Variants in CCDC60 observed in about 807,000 individuals in gnomAD.
The protein encoded by CCDC60 is coiled-coil domain-containing protein 60.
Under a neutral mutation model 63.5 loss-of-function variants are expected in CCDC60, and 54 were observed. The observed-to-expected ratio is 0.85, with a 90% CI of 0.68 to 1.07. CCDC60 has a LOEUF of 1.07. Among genes scored for constraint, CCDC60 ranks in the 50% least tolerant of loss-of-function variants. The probability of loss-of-function intolerance (pLI) is 0.00; values close to 1 mark genes in which losing one functional copy is unlikely to be tolerated. For synonymous variants in CCDC60, 206 were observed against 238.8 expected (o/e 0.86, Z 1.27); for missense variants, 651 against 684.3 (o/e 0.95, Z 0.54).
At chr12:119,450,501 C>G (rs928148204) in intron 2 of CCDC60, among the ~76,000 whole-genome samples, 1 of 152,118 alleles carries the variant, frequency 6.6e-6, no homozygotes, top group Non-Finnish European at 1.5e-5. Context: ...AGCAAAGGTA[C>G]TGAGATGAAG....
intron 1 of CCDC60, among the ~76,000 whole-genome samples, chr12:119,393,832 G>C (rs1034087554): frequency 6.6e-6 from 1 of 152,208 alleles, no homozygotes; most frequent in East Asian, 1.9e-4. Context: ...TTTAATAAAT[G>C]ACACAAGGTC....
intron 2 of CCDC60, among the ~76,000 whole-genome samples, chr12:119,447,398 T>C (rs1427617437): frequency 6.6e-6 from 1 of 152,176 alleles, no homozygotes; most frequent in Non-Finnish European, 1.5e-5. Context: ...GTCCCTGCCA[T>C]CAATCAGGCA....
rs1283142023 is a variant in CCDC60, at chr12:119,387,074, A to ACT, written c.91-41605_91-41604dup. 7.0e-5 allele frequency among the ~76,000 whole-genome samples: 10 copies of ACT among 142,408 alleles called. No individual in the cohort carries two copies. In the East Asian group the frequency reaches 1.4e-3, roughly 20 times the overall value. The allele number at this position is 142,408 out of a possible 152,430, so 93.4% of individuals were successfully genotyped here. On this transcript the variant is annotated intron_variant, in intron 1 of 13. Coordinates refer to ENST00000327554, the MANE Select transcript of CCDC60 (RefSeq NM_178499.5). ...CACACACACACACACACACACACAC[A>ACT]CTCTCCAATTAAAATGTTTCAGCTC...
At chr12:119,422,945 A>G (rs1956839451) in intron 1 of CCDC60, among the ~76,000 whole-genome samples, 1 of 152,192 alleles carries the variant, frequency 6.6e-6, no homozygotes, top group South Asian at 2.1e-4. Flanking sequence ...ACAACATAAC[A>G]CAATGTTCAT....
In CCDC60 at chr12:119,516,662, G is replaced by T. The variant is rs1350115189; in HGVS notation, c.923G>T (p.Arg308Leu). ...KLLEMVREDA[R>L]RTVTIENGMQ... ...CTGGAGATGGTTCGGGAAGATGCCC[G>T]GAGGACAGTCACAATAGAAAATGGG... Residue 308 changes from arginine (R) to leucine (L), a missense_variant, in exon 8 of 14, where the codon CGG (arginine) becomes CTG (leucine). By Grantham distance (102) the Arg-to-Leu change is moderately radical. Transcript: ENST00000327554. 6.2e-7 allele frequency: 1 copy of T among 1,613,854 alleles called. No individual in the cohort carries two copies. Among genetic ancestry groups the T allele is most frequent in the East Asian group, 2.2e-5 (1 of 44,856 alleles).
At chr12:119,540,477 G>T (rs955214473) in intron 13 of CCDC60, 137 bp from the exon 14 acceptor site, 16 of 679,616 alleles carry the variant, frequency 2.4e-5, no homozygotes, top group Non-Finnish European at 3.7e-5. Flanking sequence ...GATGCTCCAA[G>T]ATTATGAATG....
intron 7 of CCDC60, among the ~76,000 whole-genome samples, chr12:119,515,761 C>A (rs1160767371): frequency 6.6e-6 from 1 of 152,204 alleles, no homozygotes; most frequent in Non-Finnish European, 1.5e-5. Context: ...GCAGTGTAGT[C>A]CCATCTCAGA....
chr12:119,540,550 G>A, intron 13 of CCDC60, 64 bp from the exon 14 acceptor site: 1 of 1,115,300 alleles, frequency 9.0e-7, no homozygotes, highest in Non-Finnish European at 1.4e-6. Context: ...TTGAGGGGAG[G>A]GAGAGAAGGT....
intron 7 of CCDC60, among the ~76,000 whole-genome samples, chr12:119,506,545 AG>A (rs1455465748): frequency 6.6e-6 from 1 of 151,412 alleles, no homozygotes; most frequent in East Asian, 1.9e-4. Context: ...CCTAGGACGT[AG>A]GGGCTGACGT....
chr12:119,521,666 C>T (rs193294811), intron 9 of CCDC60, among the ~76,000 whole-genome samples: 195 of 152,266 alleles, frequency 1.3e-3, no homozygotes, highest in South Asian at 5.2e-3. Flanking sequence ...CAGAGTGAGA[C>T]AGGCAGACGG....
At chr12:119,517,896 C>T (rs937423087) in intron 8 of CCDC60, among the ~76,000 whole-genome samples, 12 of 152,170 alleles carry the variant, frequency 7.9e-5, no homozygotes, top group Admixed American at 7.2e-4. Context: ...CAGCCTAGAG[C>T]CAGAGCTCCC....
Position 119,500,060 on chromosome 12 carries a change from A to T in CCDC60, c.558-18A>T. On this transcript the variant is annotated intron_variant, in intron 5 of 13. Transcript: ENST00000327554. Reference sequence around the variant, plus strand: ...AGACTCTGGAAACGGAAAACTCATTAAGCTGTTTCTCACTCAGGGACCCGG... The same window carrying T: ...AGACTCTGGAAACGGAAAACTCATTTAGCTGTTTCTCACTCAGGGACCCGG... 6.4e-7 allele frequency: 1 copy of T among 1,551,870 alleles called. No individual in the cohort carries two copies. The highest frequency in any genetic ancestry group is 1.4e-5 in the African/African-American group (1 of 73,656).
At chr12:119,426,540 G>A (rs1026826887) in intron 1 of CCDC60, among the ~76,000 whole-genome samples, 9 of 151,756 alleles carry the variant, frequency 5.9e-5, no homozygotes, top group African/African-American at 2.2e-4. Flanking sequence ...TGTATTTTTT[G>A]TAGAGACAGG....
At chr12:119,540,357 G>C (rs760132057) in intron 13 of CCDC60, among the ~76,000 whole-genome samples, 25 of 152,206 alleles carry the variant, frequency 1.6e-4, no homozygotes, top group Non-Finnish European at 2.6e-4. Context: ...GGGACTTCCT[G>C]TCCTCCCCAA....
At chr12:119,424,656 T>A (rs1042686871) in intron 1 of CCDC60, among the ~76,000 whole-genome samples, 2 of 152,148 alleles carry the variant, frequency 1.3e-5, no homozygotes, top group African/African-American at 4.8e-5. Flanking sequence ...ATTTAACTTA[T>A]TAACTTTTAA....
At chr12:119,538,574 A>G (rs965076810) in intron 13 of CCDC60, among the ~76,000 whole-genome samples, 10 of 152,210 alleles carry the variant, frequency 6.6e-5, no homozygotes, top group Admixed American at 3.3e-4. Context: ...TGGTTATTCT[A>G]GTTAGCAATT....
At chr12:119,414,983 C>A (rs1172836634) in intron 1 of CCDC60, among the ~76,000 whole-genome samples, 1 of 152,210 alleles carries the variant, frequency 6.6e-6, no homozygotes, top group Non-Finnish European at 1.5e-5. Context: ...TTTTTAATAA[C>A]CATCTCATTG....
At chr12:119,495,862 A>C (rs1379812985) in intron 5 of CCDC60, among the ~76,000 whole-genome samples, 3 of 152,226 alleles carry the variant, frequency 2.0e-5, no homozygotes, top group Non-Finnish European at 4.4e-5. Flanking sequence ...AGATACTTTG[A>C]GATAGCAATG....
At chr12:119,442,174 T>A (rs750162884) in intron 2 of CCDC60, among the ~76,000 whole-genome samples, 7 of 152,192 alleles carry the variant, frequency 4.6e-5, no homozygotes, top group Non-Finnish European at 1.0e-4. Context: ...AAAAAAAACA[T>A]TCCGTATAGA....
Sources: gnomAD v4.1 joint callset for allele counts (sites outside exome capture counted in the v4.1 genomes callset) on GRCh38, gnomAD v4.1.1 for gene constraint, MANE v1.5 for transcripts, NCBI Gene and HGNC (gene_info 2026-07-23, HGNC 2026-07-21) for gene names.